Variants in LRP8 observed in about 807,000 individuals in gnomAD.
LRP8 encodes the protein low-density lipoprotein receptor-related protein 8.
LRP8 carries 46 observed loss-of-function variants against 111.6 expected under a neutral mutation model. That is an observed-to-expected ratio of 0.41 (90% CI 0.33 to 0.53). The LOEUF (loss-of-function observed/expected upper bound fraction) is 0.53, where lower values mean the gene tolerates loss of function less well. LRP8 is among the 20% of genes least tolerant of loss of function. LRP8 has a pLI of 0.20. For synonymous variants in LRP8, 464 were observed against 511.2 expected (o/e 0.91, Z 1.24); for missense variants, 959 against 1,297.4 (o/e 0.74, Z 4.01).
In LRP8 at chr1:53,274,755, C is replaced by T. The variant is rs370208388; in HGVS notation, c.1006+876G>A. ...CGGCAGTCCCTCTGCACATCACACA[C>T]TTTCCCGCCGTCCACGCGCTTGCCA... On this transcript the variant is annotated intron_variant, in intron 6 of 18. Coordinates refer to ENST00000306052, the MANE Select transcript of LRP8 (RefSeq NM_004631.5). 8.1e-5 allele frequency: 37 copies of T among 456,356 alleles called. No homozygotes were observed. In the East Asian group the frequency reaches 1.9e-3, roughly 24 times the overall value. The allele number at this position is 456,356 out of a possible 1,614,324, so 28.3% of individuals were successfully genotyped here. A position where few individuals can be genotyped will look rare whatever the true frequency, so the allele number is the denominator to read the frequency against.
intron 2 of LRP8, among the ~76,000 whole-genome samples, chr1:53,319,189 C>T (rs759048472): frequency 6.6e-6 from 1 of 152,164 alleles, no homozygotes; most frequent in Non-Finnish European, 1.5e-5. Flanking sequence ...GAGGCACCAA[C>T]TGGAAAAGCC....
chr1:53,261,125 C>A (rs894877558), intron 12 of LRP8, among the ~76,000 whole-genome samples: 1 of 152,186 alleles, frequency 6.6e-6, no homozygotes, highest in Admixed American at 6.5e-5. Context: ...AAATGTTCAT[C>A]CACACACAAA....
chr1:53,284,664 C>G (rs1384547592), intron 3 of LRP8, among the ~76,000 whole-genome samples: 1 of 152,210 alleles, frequency 6.6e-6, no homozygotes, highest in Non-Finnish European at 1.5e-5. Context: ...TCAGCAAGGA[C>G]AATGATTAAA....
chr1:53,299,935 C>T (rs560416404), intron 2 of LRP8, among the ~76,000 whole-genome samples: 1 of 152,364 alleles, frequency 6.6e-6, no homozygotes, highest in African/African-American at 2.4e-5. Flanking sequence ...CCAGAGTGGG[C>T]TGACAGAGGG....
chr1:53,266,410 T>G lies in LRP8; in HGVS notation c.1427+63A>C. The G allele has an allele frequency of 6.4e-7, 1 of 1,562,754 alleles. No individual in the cohort carries two copies. Among genetic ancestry groups the G allele is most frequent in the Non-Finnish European group, 8.8e-7 (1 of 1,141,356 alleles). On this transcript the variant is annotated intron_variant, in intron 9 of 18. Transcript: ENST00000306052. This position sits in a 1 kb window ranked among gnomAD's most constrained non-coding sequence, Gnocchi z 5.0. ...GAGGCAGACACCACTCCTCCCCTCC[T>G]CACCTGTCACCACCCCTCACCCCCA... is the stretch of plus-strand genomic sequence containing the variant.
intron 12 of LRP8, 141 bp from the exon 13 acceptor site, chr1:53,260,746 G>C: frequency 1.3e-6 from 1 of 752,878 alleles, no homozygotes; most frequent in Non-Finnish European, 2.2e-6. Flanking sequence ...TCACGGTGGG[G>C]CTCTCAGCCT....
At chr1:53,325,185 C>T (rs931609252) in intron 2 of LRP8, among the ~76,000 whole-genome samples, 1 of 152,222 alleles carries the variant, frequency 6.6e-6, no homozygotes, top group Non-Finnish European at 1.5e-5. Context: ...ATAACCTCAA[C>T]AGCACTGGGA....
chr1:53,305,173 C>T (rs911955374), intron 2 of LRP8: 2 of 152,240 alleles, frequency 1.3e-5, no homozygotes, highest in African/African-American at 2.4e-5. Context: ...GGTGAAGGAA[C>T]GCAGGACTCA....
At chr1:53,281,391 T>C (rs1647104982) in intron 3 of LRP8, among the ~76,000 whole-genome samples, 1 of 152,244 alleles carries the variant, frequency 6.6e-6, no homozygotes, top group Non-Finnish European at 1.5e-5. Flanking sequence ...GAGAACCCTA[T>C]TCAAGGCTGG....
At chr1:53,248,264 A>G (rs1203450619) in intron 18 of LRP8, among the ~76,000 whole-genome samples, 1 of 152,172 alleles carries the variant, frequency 6.6e-6, no homozygotes, top group Non-Finnish European at 1.5e-5. Flanking sequence ...TAGTTTTTTT[A>G]TGAATGCAAT....
At position 53,266,426 on chromosome 1, in the gene LRP8, C is replaced by G; in HGVS notation, c.1427+47G>C. On this transcript the variant is annotated intron_variant, in intron 9 of 18. Coordinates refer to ENST00000306052, the MANE Select transcript of LRP8 (RefSeq NM_004631.5). The surrounding 1 kb of genome is among the most constrained non-coding windows in gnomAD (Gnocchi z 5.0). ...CTCCCCTCCTCACCTGTCACCACCC[C>G]TCACCCCCACTCTTCATGCCTTGCT... 1 of 1,595,394 alleles carries G rather than the reference C, an allele frequency of 6.3e-7. No homozygotes were observed. Among genetic ancestry groups the G allele is most frequent in the Non-Finnish European group, 8.6e-7 (1 of 1,166,210 alleles).
rs1645847197 is a variant in LRP8 at position 53,250,109 on chromosome 1, C to T, written c.2677-553G>A. 6.6e-6 allele frequency among the ~76,000 whole-genome samples: 1 copy of T among 152,230 alleles called. No homozygotes were observed. Among genetic ancestry groups the T allele is most frequent in the Non-Finnish European group, 1.5e-5 (1 of 68,046 alleles). On this transcript the variant is annotated intron_variant, in intron 17 of 18. Transcript: ENST00000306052. This position sits in a 1 kb window ranked among gnomAD's most constrained non-coding sequence, Gnocchi z 4.6. Reference sequence around the variant, plus strand: ...TGAGCTTCCACCACGGCATTCAGCACACAATTATACCACTGTATGTTAGTA... The same window carrying T: ...TGAGCTTCCACCACGGCATTCAGCATACAATTATACCACTGTATGTTAGTA...
rs1350521461 is a variant in LRP8 at position 53,293,864 on chromosome 1, G to A, written c.245-4175C>T. 6.6e-6 allele frequency among the ~76,000 whole-genome samples: 1 copy of A among 152,230 alleles called. No individual in the cohort carries two copies. The highest frequency in any genetic ancestry group is 2.4e-5 in the African/African-American group (1 of 41,454). ...CATAGCCACCTCGGGGTGAACCTGGGCAAGTGGGGATGTGGCTTTCCCATG... is the reference window on the plus strand; with the variant it reads ...CATAGCCACCTCGGGGTGAACCTGGACAAGTGGGGATGTGGCTTTCCCATG... On this transcript the variant is annotated intron_variant, in intron 2 of 18. Coordinates refer to ENST00000306052, the MANE Select transcript of LRP8 (RefSeq NM_004631.5). The surrounding 1 kb of genome is among the most constrained non-coding windows in gnomAD (Gnocchi z 4.9).
intron 2 of LRP8, among the ~76,000 whole-genome samples, chr1:53,291,106 C>T (rs1216164793): frequency 6.6e-6 from 1 of 152,236 alleles, no homozygotes; most frequent in East Asian, 1.9e-4. Context: ...TCCTCAAGCA[C>T]ATCATGGCCC....
intron 6 of LRP8, 25 bp from the exon 7 acceptor site, chr1:53,271,371 A>AGGTCCAGG: frequency 6.2e-7 from 1 of 1,613,698 alleles, no homozygotes; most frequent in Non-Finnish European, 8.5e-7. Context: ...GGGCTCCTGA[A>AGGTCCAGG]GGTCCAGGAG....
At position 53,280,725 on chromosome 1, in the gene LRP8, C is replaced by T; in HGVS notation, c.368-10G>A. 2 of 1,610,452 alleles carry T rather than the reference C, an allele frequency of 1.2e-6. No homozygotes were observed. Among genetic ancestry groups the T allele is most frequent in the Non-Finnish European group, 1.7e-6 (2 of 1,179,898 alleles). On this transcript the variant is annotated splice_polypyrimidine_tract_variant and intron_variant, in intron 3 of 18. Coordinates refer to ENST00000306052, the MANE Select transcript of LRP8 (RefSeq NM_004631.5). ...GGACACACCTGCTTGGCTGTGGAGA[C>T]AGACGTCCATGCATAGCTTAGCCAA...
chr1:53,298,641 C>G (rs972278632), intron 2 of LRP8, among the ~76,000 whole-genome samples: 1 of 152,208 alleles, frequency 6.6e-6, no homozygotes, highest in Non-Finnish European at 1.5e-5. Context: ...TTAGGCCCTC[C>G]AGCCAGAGTC....
chr1:53,250,771 G>C lies in LRP8; in HGVS notation c.2595C>G (p.Val865=). The part of the protein sequence containing the change: ...NTKSMNFDNP[V]YRKTTEEEDE... ...CTTCTTCTTCTGTTGTTTTCCTGTA[G>C]ACTGGGTTGTCAAAATTCATGCTTT... Residue 865 remains valine, a synonymous_variant, in exon 17 of 19, where the codon GTC becomes GTG. Transcript: ENST00000306052. The surrounding 1 kb of genome is among the most constrained non-coding windows in gnomAD (Gnocchi z 4.6). 1 of 1,614,030 alleles carries C rather than the reference G, an allele frequency of 6.2e-7. No homozygotes were observed. The highest frequency in any genetic ancestry group is 8.5e-7 in the Non-Finnish European group (1 of 1,179,952).
intron 2 of LRP8, among the ~76,000 whole-genome samples, chr1:53,313,514 A>G (rs1653374334): frequency 6.6e-6 from 1 of 152,138 alleles, no homozygotes; most frequent in South Asian, 2.1e-4. Context: ...TCAGGACATC[A>G]TGGTATAGAG....
Sources: gnomAD v4.1 joint callset for allele counts (sites outside exome capture counted in the v4.1 genomes callset) on GRCh38, gnomAD v4.1.1 for gene constraint, Gnocchi (gnomAD v3.1) non-coding constraint, MANE v1.5 for transcripts, NCBI Gene and HGNC (gene_info 2026-07-23, HGNC 2026-07-21) for gene names.